Variants in PPP4R4 observed in about 807,000 individuals in gnomAD.
PPP4R4 encodes serine/threonine-protein phosphatase 4 regulatory subunit 4.
Under a neutral mutation model 121.8 loss-of-function variants are expected in PPP4R4, and 70 were observed. The ratio of observed to expected loss-of-function variants is 0.57; its 90% CI spans 0.47 to 0.70. The LOEUF is 0.70. PPP4R4 is among the 30% of genes least tolerant of loss of function. The probability of loss-of-function intolerance (pLI) is 0.00; values close to 1 mark genes in which losing one functional copy is unlikely to be tolerated. For synonymous variants in PPP4R4, 348 were observed against 355.7 expected (o/e 0.98, Z 0.24); for missense variants, 875 against 1,033.6 (o/e 0.85, Z 2.10).
At chr14:94,227,653 G>C in intron 3 of PPP4R4, 5 of 1,122,782 alleles carry the variant, frequency 4.5e-6, no homozygotes, top group Non-Finnish European at 5.4e-6. Flanking sequence ...AGCTTCTCAT[G>C]TTCTTCCTTT....
rs1034354089 is a variant in PPP4R4 at position 94,246,266 on chromosome 14, A to G, written c.1429-91A>G. On this transcript the variant is annotated intron_variant, in intron 13 of 24. Coordinates refer to ENST00000304338, the MANE Select transcript of PPP4R4 (RefSeq NM_058237.2). ...CCTAAACTCTGAAATGAGAAGGAGT[A>G]TTCTCTTCCCCAATGTGTTATAAGA... 4 of 1,092,310 alleles carry G rather than the reference A, an allele frequency of 3.7e-6. No individual in the cohort carries two copies. The African/African-American group carries it at 6.4e-5, about 17-fold the overall frequency. The allele number at this position is 1,092,310 out of a possible 1,614,324, so 67.7% of individuals were successfully genotyped here. A position where few individuals can be genotyped will look rare whatever the true frequency, so the allele number is the denominator to read the frequency against.
chr14:94,191,697 C>T (rs889433732), intron 2 of PPP4R4, among the ~76,000 whole-genome samples: 10 of 152,086 alleles, frequency 6.6e-5, no homozygotes, highest in Admixed American at 2.6e-4. Flanking sequence ...TTTATCTCTT[C>T]GCAAGGAACA....
chr14:94,181,489 T>G (rs577756082), intron 2 of PPP4R4, among the ~76,000 whole-genome samples: 2 of 152,342 alleles, frequency 1.3e-5, no homozygotes, highest in African/African-American at 4.8e-5. Flanking sequence ...TAATGTAAAC[T>G]ATAAATATAT....
rs1892798986 is a variant in PPP4R4 at position 94,244,672 on chromosome 14, A to G, written c.1304A>G (p.His435Arg). ...CTGAATTCTGGAGTATATTTAATAC[A>G]TAAAGAACTAATAACATTATTACAA... ...KLLNSGVYLI[H>R]KELITLLQDE... The change falls in exon 12 of 25, where the codon CAT becomes CGT. Residue 435 changes from histidine to arginine, a missense_variant. Physicochemically the swap from His to Arg is conservative, Grantham distance 29. Transcript: ENST00000304338. The G allele has an allele frequency of 6.7e-7, 1 of 1,495,296 alleles. No individual in the cohort carries two copies. Among genetic ancestry groups the G allele is most frequent in the South Asian group, 1.2e-5 (1 of 82,896 alleles). 92.6% of individuals were successfully genotyped at this position (1,495,296 alleles called of 1,614,324 possible). A position where few individuals can be genotyped will look rare whatever the true frequency, so the allele number is the denominator to read the frequency against.
chr14:94,256,189 C>T (rs1893462684), intron 16 of PPP4R4, among the ~76,000 whole-genome samples: 1 of 152,186 alleles, frequency 6.6e-6, no homozygotes. Flanking sequence ...TAGCATTTAA[C>T]ACTATCTGAC....
intron 3 of PPP4R4, among the ~76,000 whole-genome samples, chr14:94,210,136 T>C (rs1473862859): frequency 1.2e-4 from 18 of 151,594 alleles, no homozygotes; most frequent in Non-Finnish European, 3.0e-5. Flanking sequence ...ATTAAAACCA[T>C]ATCTTCTATA....
intron 2 of PPP4R4, among the ~76,000 whole-genome samples, chr14:94,185,303 C>T (rs112363310): frequency 0.031 from 4,698 of 152,186 alleles, 201 homozygotes; most frequent in African/African-American, 0.09. Context: ...CCCAGGAATT[C>T]GAGACTAGCC....
intron 2 of PPP4R4, among the ~76,000 whole-genome samples, chr14:94,177,692 A>G (rs919379730): frequency 8.5e-5 from 13 of 152,228 alleles, no homozygotes; most frequent in Non-Finnish European, 1.6e-4. Flanking sequence ...TATTCTAAAT[A>G]TCAGTGATAA....
intron 2 of PPP4R4, among the ~76,000 whole-genome samples, chr14:94,196,055 T>C (rs1889850359): frequency 6.6e-6 from 1 of 151,974 alleles, no homozygotes; most frequent in Non-Finnish European, 1.5e-5. Context: ...CTTATTTTGC[T>C]TGGATGCCCA....
At chr14:94,206,422 C>T (rs1340120473) in intron 2 of PPP4R4, among the ~76,000 whole-genome samples, 8 of 151,862 alleles carry the variant, frequency 5.3e-5, no homozygotes, top group South Asian at 2.1e-4. Flanking sequence ...CTGCCAATTC[C>T]GGTCTTAAAT....
chr14:94,259,483 T>C (rs1893658246), intron 19 of PPP4R4, 114 bp downstream of exon 19: 1 of 1,309,258 alleles, frequency 7.6e-7, no homozygotes, highest in Admixed American at 3.6e-5. Flanking sequence ...TCTTTTTTCT[T>C]CTTAAATGAT....
At position 94,233,739 on chromosome 14, in the gene PPP4R4, C is replaced by T; in HGVS notation, c.603C>T (p.Thr201=). The change falls in exon 6 of 25, where the codon ACC becomes ACT. Residue 201 remains threonine, a synonymous_variant. Coordinates refer to ENST00000304338, the MANE Select transcript of PPP4R4 (RefSeq NM_058237.2). The part of the protein sequence containing the change: ...LVSCKILGKL[T]NKFDAHTIKR... ...GTTGTAAAATTTTAGGAAAATTGAC[C>T]AACAAATTTGATGCCCACACGTGAG... The T allele has an allele frequency of 6.3e-7, 1 of 1,584,792 alleles. No individual in the cohort carries two copies. The highest frequency in any genetic ancestry group is 8.7e-7 in the Non-Finnish European group (1 of 1,155,428).
chr14:94,195,029 G>T (rs151250156), intron 2 of PPP4R4, among the ~76,000 whole-genome samples: 1 of 152,136 alleles, frequency 6.6e-6, no homozygotes, highest in African/African-American at 2.4e-5. Flanking sequence ...ATTATGAGGA[G>T]CCCAGTAGCC....
chr14:94,275,974 A>G (rs1179380969), intron 24 of PPP4R4, among the ~76,000 whole-genome samples: 2 of 152,172 alleles, frequency 1.3e-5, no homozygotes, highest in South Asian at 2.1e-4. Flanking sequence ...TACAGACTGT[A>G]CTTGTGTCTT....
intron 3 of PPP4R4, among the ~76,000 whole-genome samples, chr14:94,215,467 A>ATG (rs1310392196): frequency 5.9e-5 from 9 of 152,208 alleles, no homozygotes; most frequent in Non-Finnish European, 1.3e-4. Context: ...TAAGCAGATC[A>ATG]TGATGTTCCA....
In PPP4R4 at chr14:94,230,741, G is replaced by A. The variant is rs1354576762; in HGVS notation, c.442+7G>A. 6.2e-7 allele frequency: 1 copy of A among 1,603,162 alleles called. No individual in the cohort carries two copies. The highest frequency in any genetic ancestry group is 1.1e-5 in the South Asian group (1 of 89,514). ...CTGGAGCACAGGGACACAGGTCAGG[G>A]GCCTGGCATGCTTAATTATATACTT... On this transcript the variant is annotated splice_region_variant and intron_variant, in intron 4 of 24. Transcript: ENST00000304338.
rs377747580 is a variant in PPP4R4 at position 94,209,116 on chromosome 14, TATTG to T, written c.294+554_294+557del. 9.8e-4 allele frequency among the ~76,000 whole-genome samples: 149 copies of T among 151,990 alleles called. 1 individual carries two copies. In the East Asian group the frequency reaches 0.017, roughly 18 times the overall value. On this transcript the variant is annotated intron_variant, in intron 3 of 24. Coordinates refer to ENST00000304338, the MANE Select transcript of PPP4R4 (RefSeq NM_058237.2). ...TACATTCTTTCTTCTGACTAATATT[TATTG>T]ATTATTAATATAAAATTAAATAATT...
At chr14:94,242,798 A>T (rs1892701068) in intron 11 of PPP4R4, among the ~76,000 whole-genome samples, 2 of 152,144 alleles carry the variant, frequency 1.3e-5, no homozygotes, top group South Asian at 4.1e-4. Context: ...CACATTAATT[A>T]TTTTTACTAC....
intron 2 of PPP4R4, among the ~76,000 whole-genome samples, chr14:94,178,801 T>C (rs1888816923): frequency 6.6e-6 from 1 of 152,238 alleles, no homozygotes; most frequent in Non-Finnish European, 1.5e-5. Flanking sequence ...AAATCATATC[T>C]TATCTTTTTC....
Sources: gnomAD v4.1 joint callset for allele counts (sites outside exome capture counted in the v4.1 genomes callset) on GRCh38, gnomAD v4.1.1 for gene constraint, MANE v1.5 for transcripts, NCBI Gene and HGNC (gene_info 2026-07-23, HGNC 2026-07-21) for gene names.